The following TTC39A variants were observed in gnomAD, a reference collection of about 807,000 sequenced individuals.
TTC39A encodes tetratricopeptide repeat domain 39A.
Under a neutral mutation model 82.3 loss-of-function variants are expected in TTC39A, and 46 were observed. That is an observed-to-expected ratio of 0.56 (90% CI 0.44 to 0.71). The LOEUF (loss-of-function observed/expected upper bound fraction) is 0.71, where lower values mean the gene tolerates loss of function less well. Ranked by LOEUF, TTC39A falls within the 30% of genes least tolerant of loss-of-function variation. The pLI, the probability that TTC39A is intolerant of heterozygous loss-of-function variation, is 0.00. For synonymous variants in TTC39A, 254 were observed against 275.2 expected, an observed-to-expected ratio of 0.92 and a Z score of 0.76; for missense variants, 543 against 712.9, an observed-to-expected ratio of 0.76 and a Z score of 2.71.
At chr1:51,330,589 G>A, upstream of TTC39A, 1 of 982,914 alleles carries the variant, frequency 1.0e-6, no homozygotes, top group Non-Finnish European at 1.2e-6. This position sits in a 1 kb window ranked among gnomAD's most constrained non-coding sequence, Gnocchi z 4.5. Context: ...CGGCCGGGGA[G>A]GGGCGCGCCG....
Position 51,288,871 on chromosome 1 carries a change from GT to G in TTC39A, c.1577del (p.Asn526ThrfsTer39). 1 of 1,611,526 alleles carries G rather than the reference GT, an allele frequency of 6.2e-7. No homozygotes were observed. The highest frequency in any genetic ancestry group is 1.1e-5 in the South Asian group (1 of 90,234). ...LALLLMEQDR[N>X]EEAIKLLESA... Reference sequence around the variant, plus strand: ...ATTCCAAAAGTTTGATGGCCTCTTCGTTTCTGTCTTGCTCCATAAGCAGCAG... The same window carrying G: ...ATTCCAAAAGTTTGATGGCCTCTTCGTTCTGTCTTGCTCCATAAGCAGCAG... On this transcript the variant is annotated frameshift_variant, in exon 17 of 18. Coordinates refer to ENST00000680483, the MANE Select transcript of TTC39A (RefSeq NM_001297663.2). LOFTEE classifies it high-confidence loss of function. The surrounding 1 kb of genome is among the most constrained non-coding windows in gnomAD (Gnocchi z 4.8).
chr1:51,289,777 G>T (rs921051572), intron 16 of TTC39A, among the ~76,000 whole-genome samples: 1 of 152,190 alleles, frequency 6.6e-6, no homozygotes, highest in Non-Finnish European at 1.5e-5. Context: ...AAACAACGTG[G>T]ATGGACTCCT....
intron 2 of TTC39A, among the ~76,000 whole-genome samples, chr1:51,318,503 C>A (rs909626053): frequency 6.6e-6 from 1 of 152,120 alleles, no homozygotes; most frequent in Non-Finnish European, 1.5e-5. Context: ...ACCCACCCCA[C>A]CCCAGAAGCT....
At chr1:51,305,249 GA>G in intron 7 of TTC39A, 103 bp from the exon 8 acceptor site, 1 of 1,155,376 alleles carries the variant, frequency 8.7e-7, no homozygotes, top group Non-Finnish European at 1.3e-6. Context: ...ACCTGGAGGG[GA>G]GAGGGCCACC....
At position 51,302,591 on chromosome 1, in the gene TTC39A, G is replaced by C; in HGVS notation, c.764-18C>G. On this transcript the variant is annotated intron_variant, in intron 9 of 17. Transcript: ENST00000680483. Reference sequence around the variant, plus strand: ...CCCAGTACCTGGAGGAGATGGTGGGGGAGACACAGAACATGTCACCACCCC... The same window carrying C: ...CCCAGTACCTGGAGGAGATGGTGGGCGAGACACAGAACATGTCACCACCCC... The C allele has an allele frequency of 6.3e-7, 1 of 1,589,722 alleles. No individual in the cohort carries two copies. The highest frequency in any genetic ancestry group is 8.6e-7 in the Non-Finnish European group (1 of 1,168,034).
chr1:51,292,168 T>C (rs1462265332), intron 14 of TTC39A, among the ~76,000 whole-genome samples: 1 of 152,048 alleles, frequency 6.6e-6, no homozygotes, highest in Non-Finnish European at 1.5e-5. Context: ...CATGACAGAG[T>C]GAGACCCCAC....
chr1:51,300,781 C>CT (rs1644621172), intron 12 of TTC39A: 1 of 152,178 alleles, frequency 6.6e-6, no homozygotes, highest in Non-Finnish European at 1.5e-5. Flanking sequence ...GCATCATTTT[C>CT]TTCTGTGGAA....
Position 51,305,098 on chromosome 1 carries a change from C to T in TTC39A, c.637G>A (p.Gly213Arg), listed in dbSNP as rs759121598. 3 of 1,613,392 alleles carry T rather than the reference C, an allele frequency of 1.9e-6. No homozygotes were observed. The Admixed American group carries it at 5.0e-5, about 27-fold the overall frequency. ...TRILRLLEFV[G>R]FSGNKDYGLL... is the part of the protein sequence containing the mutation. ...GTGGTTACCTTGTTTCCTGAAAACC[C>T]CACAAACTCCAACAGCCTCAGGATC... The change falls in exon 8 of 18, where the codon GGG becomes AGG. Residue 213 changes from glycine (G) to arginine (R), a missense_variant. By Grantham distance (125) the Gly-to-Arg change is moderately radical. Transcript: ENST00000680483.
At chr1:51,323,225 C>T (rs1645594882) in intron 1 of TTC39A, among the ~76,000 whole-genome samples, 1 of 152,122 alleles carries the variant, frequency 6.6e-6, no homozygotes, top group Non-Finnish European at 1.5e-5. Flanking sequence ...TCTCTGGCCT[C>T]TGTCATCCCC....
rs185693183 is a variant in TTC39A, at chr1:51,307,621, G to C, written c.489-1545C>G. ...GGGGTGGCGTATGTCTGTGGTCCCA[G>C]CCACTCGGGAGGCTGAGGCAGAAGA... is the stretch of plus-strand genomic sequence containing the variant. On this transcript the variant is annotated intron_variant, in intron 6 of 17. Coordinates refer to ENST00000680483, the MANE Select transcript of TTC39A (RefSeq NM_001297663.2). 2.6e-5 allele frequency among the ~76,000 whole-genome samples: 4 copies of C among 151,678 alleles called. No individual in the cohort carries two copies. The East Asian group carries it at 7.7e-4, about 29-fold the overall frequency.
At chr1:51,314,340 CTG>C (rs1645202833) in intron 2 of TTC39A, among the ~76,000 whole-genome samples, 1 of 152,192 alleles carries the variant, frequency 6.6e-6, no homozygotes, top group South Asian at 2.1e-4. Flanking sequence ...CCCTGCGAGA[CTG>C]TGGGACTGAC....
At chr1:51,311,390 A>C in intron 4 of TTC39A, 69 bp from the exon 5 acceptor site, 2 of 1,424,562 alleles carry the variant, frequency 1.4e-6, no homozygotes, top group Non-Finnish European at 1.9e-6. Flanking sequence ...ACAAATCCTC[A>C]CACCCCAACT....
At chr1:51,341,423 G>A (rs1230780964) in intron 1 of TTC39A, among the ~76,000 whole-genome samples, 1 of 152,152 alleles carries the variant, frequency 6.6e-6, no homozygotes, top group East Asian at 1.9e-4. Flanking sequence ...TCAGATCACA[G>A]ATTTGAAGAT....
At chr1:51,292,684 G>T (rs1217989089) in intron 14 of TTC39A, among the ~76,000 whole-genome samples, 1 of 152,062 alleles carries the variant, frequency 6.6e-6, no homozygotes, top group Non-Finnish European at 1.5e-5. Context: ...ACCTACCCTG[G>T]CCTCCCAAAG....
chr1:51,293,983 G>A (rs1186064088), intron 14 of TTC39A, among the ~76,000 whole-genome samples: 1 of 152,236 alleles, frequency 6.6e-6, no homozygotes, highest in African/African-American at 2.4e-5. Flanking sequence ...TAACGATGTT[G>A]GCTATTATGT....
chr1:51,311,420 C>A, intron 4 of TTC39A, 99 bp from the exon 5 acceptor site: 1 of 1,091,006 alleles, frequency 9.2e-7, no homozygotes, highest in Admixed American at 2.3e-5. Context: ...GCAAAGGGAA[C>A]CTATGTCAGC....
At chr1:51,302,991 C>G (rs2148182539) in intron 9 of TTC39A, 93 bp downstream of exon 9, 1 of 1,172,620 alleles carries the variant, frequency 8.5e-7, no homozygotes, top group South Asian at 1.5e-5. Flanking sequence ...CTATCCCTAG[C>G]CACAGGGCAT....
At chr1:51,313,381 C>T (rs189315815) in intron 2 of TTC39A, among the ~76,000 whole-genome samples, 42 of 152,214 alleles carry the variant, frequency 2.8e-4, no homozygotes, top group African/African-American at 8.7e-4. Context: ...ACCCCTGGGC[C>T]GCCCTCAACC....
intron 1 of TTC39A, among the ~76,000 whole-genome samples, chr1:51,326,250 C>T (rs759743932): frequency 2.6e-5 from 4 of 151,976 alleles, no homozygotes; most frequent in Non-Finnish European, 5.9e-5. Flanking sequence ...GGAGGCTGGG[C>T]GGAAGGAGGA....
Sources: gnomAD v4.1 joint callset for allele counts (sites outside exome capture counted in the v4.1 genomes callset) on GRCh38, gnomAD v4.1.1 for gene constraint, Gnocchi (gnomAD v3.1) non-coding constraint, MANE v1.5 for transcripts, NCBI Gene and HGNC (gene_info 2026-07-23, HGNC 2026-07-21) for gene names.